The following FBN2 variants were observed in gnomAD, a reference collection of about 807,000 sequenced individuals.
FBN2 encodes the protein fibrillin 2, also known as fibrillin-2.
A neutral mutation model predicts 355.6 loss-of-function variants in FBN2; 105 were observed. That is an observed-to-expected ratio of 0.30 (90% confidence interval 0.25 to 0.35). FBN2 has a LOEUF of 0.35. FBN2 is among the 10% of genes least tolerant of loss of function. The probability of loss-of-function intolerance (pLI) is 1.00; values close to 1 mark genes in which losing one functional copy is unlikely to be tolerated. For synonymous variants in FBN2, 1,350 were observed against 1,301.2 expected (o/e 1.04, Z -0.81); for missense variants, 3,280 against 3,758.7 (o/e 0.87, Z 3.33).
At chr5:128,318,046 T>G in intron 36 of FBN2, 103 bp downstream of exon 36, 1 of 1,263,386 alleles carries the variant, frequency 7.9e-7, no homozygotes, top group Non-Finnish European at 1.2e-6. Flanking sequence ...AATGTTTTGT[T>G]TTTAAGTTAA....
rs187069520 is a variant in FBN2 at position 128,482,517 on chromosome 5, C to T, written c.629-17596G>A. Among the ~76,000 whole-genome samples the T allele has an allele frequency of 2.1e-3, 320 of 152,246 alleles. 4 individuals are homozygous for T. Among genetic ancestry groups the T allele is most frequent in the African/African-American group, 7.3e-3 (305 of 41,550 alleles). On this transcript the variant is annotated intron_variant, in intron 5 of 64. Coordinates refer to ENST00000262464, the MANE Select transcript of FBN2 (RefSeq NM_001999.4). ...TTGCAACCAAGACCCTTAACTGATACAGGTGACACATTATTCGCAATACGA... is the reference window on the plus strand; with the variant it reads ...TTGCAACCAAGACCCTTAACTGATATAGGTGACACATTATTCGCAATACGA...
intron 7 of FBN2, among the ~76,000 whole-genome samples, chr5:128,416,937 T>G (rs1446112370): frequency 2.6e-5 from 4 of 152,168 alleles, no homozygotes; most frequent in East Asian, 1.9e-4. Flanking sequence ...TAGATTGTTT[T>G]GGGTAATATA....
intron 36 of FBN2, among the ~76,000 whole-genome samples, chr5:128,315,992 G>C (rs368749097): frequency 1.3e-5 from 2 of 152,136 alleles, no homozygotes; most frequent in South Asian, 2.1e-4. Flanking sequence ...GCTGCTCTCT[G>C]TCTCTTTGTA....
intron 20 of FBN2, among the ~76,000 whole-genome samples, chr5:128,354,363 C>G (rs546682146): frequency 3.3e-5 from 5 of 152,262 alleles, no homozygotes; most frequent in Admixed American, 1.3e-4. Flanking sequence ...AAGGTCACAG[C>G]AGGAGCAAGA....
chr5:128,395,513 A>G (rs537682328), intron 8 of FBN2, among the ~76,000 whole-genome samples: 84 of 152,352 alleles, frequency 5.5e-4, no homozygotes, highest in African/African-American at 1.9e-3. Context: ...GCAATTCTGA[A>G]GCTTGAAGGA....
chr5:128,372,493 T>C (rs1203710147), intron 15 of FBN2, among the ~76,000 whole-genome samples: 1 of 151,994 alleles, frequency 6.6e-6, no homozygotes, highest in East Asian at 1.9e-4. Context: ...GATTCATTTA[T>C]TTTTTCTATT....
At chr5:128,369,455 C>T (rs1751869582) in intron 15 of FBN2, 121 bp from the exon 16 acceptor site, 2 of 902,764 alleles carry the variant, frequency 2.2e-6, no homozygotes, top group Admixed American at 2.1e-5. Context: ...GCATCTGAGA[C>T]TTTTATTTTG....
chr5:128,354,847 A>G (rs1475252733), intron 20 of FBN2, among the ~76,000 whole-genome samples: 2 of 152,222 alleles, frequency 1.3e-5, no homozygotes, highest in East Asian at 3.8e-4. Flanking sequence ...TGAGATATCG[A>G]TGAGCCATCC....
chr5:128,379,184 G>A (rs1210599540), intron 11 of FBN2, among the ~76,000 whole-genome samples: 2 of 152,138 alleles, frequency 1.3e-5, no homozygotes, highest in African/African-American at 4.8e-5. Flanking sequence ...GCCCTGAAAA[G>A]AGAAATAGGC....
intron 39 of FBN2, among the ~76,000 whole-genome samples, chr5:128,310,384 ATATATATATATATATATATTTTTT>A (rs1402300426): frequency 1.5e-4 from 2 of 13,418 alleles, no homozygotes; most frequent in Non-Finnish European, 2.8e-4. Context: ...ATATATATAT[ATATATATATATATATATATTTTTT>A]TTTTTTTTTT....
rs1561419754 is a variant in FBN2 at position 128,364,739 on chromosome 5, T to G, written c.2303-14A>C. The G allele has an allele frequency of 1.9e-6, 3 of 1,608,908 alleles. No homozygotes were observed. Among genetic ancestry groups the G allele is most frequent in the Non-Finnish European group, 1.7e-6 (2 of 1,175,652 alleles). Reference sequence around the variant, plus strand: ...ATTCATTGATATCTGCATTAAATATTGAAAGTTTAGTGCTATCAACAAACA... The same window carrying G: ...ATTCATTGATATCTGCATTAAATATGGAAAGTTTAGTGCTATCAACAAACA... On this transcript the variant is annotated splice_polypyrimidine_tract_variant and intron_variant, in intron 17 of 64. Coordinates refer to ENST00000262464, the MANE Select transcript of FBN2 (RefSeq NM_001999.4).
intron 48 of FBN2, among the ~76,000 whole-genome samples, chr5:128,296,350 A>G (rs1417702984): frequency 2.0e-5 from 3 of 152,150 alleles, no homozygotes; most frequent in East Asian, 3.9e-4. Flanking sequence ...TGCTGGCCTC[A>G]TAACATGAGT....
intron 26 of FBN2, among the ~76,000 whole-genome samples, chr5:128,338,421 G>A (rs1222629664): frequency 6.6e-6 from 1 of 152,154 alleles, no homozygotes; most frequent in East Asian, 1.9e-4. Context: ...ATATATTGTT[G>A]TCAGTTATCC....
At chr5:128,375,977 A>C (rs1266310438) in intron 14 of FBN2, among the ~76,000 whole-genome samples, 1 of 152,112 alleles carries the variant, frequency 6.6e-6, no homozygotes, top group Non-Finnish European at 1.5e-5. Context: ...TCAAGGGTGC[A>C]GTGAGCTGAG....
In FBN2 at chr5:128,295,378, C is replaced by A. The variant is rs1171453848; in HGVS notation, c.6167-3724G>T. ...TTTTTTCCAATTCTGTGAAGAAAGG[C>A]ATTGGTAGCTTCATGGGGATGGCAT... On this transcript the variant is annotated intron_variant, in intron 48 of 64. Coordinates refer to ENST00000262464, the MANE Select transcript of FBN2 (RefSeq NM_001999.4). Among the ~76,000 whole-genome samples, 9 of 151,160 alleles carry A rather than the reference C, an allele frequency of 6.0e-5. No individual in the cohort carries two copies. The East Asian group carries it at 1.6e-3, about 26-fold the overall frequency.
intron 5 of FBN2, among the ~76,000 whole-genome samples, chr5:128,468,766 G>C (rs1473370305): frequency 3.9e-5 from 6 of 152,092 alleles, no homozygotes; most frequent in Admixed American, 1.3e-4. Context: ...AACCAAAGTT[G>C]AGCATTATTG....
chr5:128,317,134 G>C (rs1301795494), intron 36 of FBN2, among the ~76,000 whole-genome samples: 1 of 152,032 alleles, frequency 6.6e-6, no homozygotes, highest in Non-Finnish European at 1.5e-5. Context: ...GGTCCAGTTG[G>C]TCTGTCCCCT....
chr5:128,386,961 G>T (rs185921454), intron 11 of FBN2, among the ~76,000 whole-genome samples: 1 of 152,264 alleles, frequency 6.6e-6, no homozygotes, highest in Admixed American at 6.5e-5. Context: ...TTCATAGAAT[G>T]AGTTAGGAAG....
intron 3 of FBN2, among the ~76,000 whole-genome samples, chr5:128,529,900 G>A (rs1176738972): frequency 1.3e-5 from 2 of 152,130 alleles, no homozygotes; most frequent in African/African-American, 4.8e-5. Flanking sequence ...TATGAATCCT[G>A]AATCTTATTC....
Sources: allele counts gnomAD v4.1 joint callset (sites outside exome capture counted in the v4.1 genomes callset), GRCh38; gene constraint gnomAD v4.1.1; transcripts MANE v1.5; gene names NCBI Gene and HGNC (gene_info 2026-07-23, HGNC 2026-07-21).